HMCN1: variants seen among roughly 807,000 people sequenced by gnomAD.
The protein encoded by HMCN1 is hemicentin-1.
HMCN1 carries 321 observed loss-of-function variants against 625.9 expected under a neutral mutation model. That is an observed-to-expected ratio of 0.51 (90% CI 0.47 to 0.56). The LOEUF is 0.56. Among genes scored for constraint, HMCN1 ranks in the 20% least tolerant of loss-of-function variants. The probability of loss-of-function intolerance (pLI) is 0.00; values close to 1 mark genes in which losing one functional copy is unlikely to be tolerated. For synonymous variants in HMCN1, 2,425 were observed against 2,417.6 expected (o/e 1.00, Z -0.09); for missense variants, 6,588 against 6,887.3 (o/e 0.96, Z 1.54).
chr1:186,054,511 A>G (rs1375528378), intron 44 of HMCN1, among the ~76,000 whole-genome samples: 1 of 151,960 alleles, frequency 6.6e-6, no homozygotes, highest in African/African-American at 2.4e-5. Context: ...GACTGGCACT[A>G]GGACATTGGA....
intron 77 of HMCN1, among the ~76,000 whole-genome samples, chr1:186,118,184 C>T (rs1472190031): frequency 6.6e-6 from 1 of 151,794 alleles, no homozygotes; most frequent in Non-Finnish European, 1.5e-5. Flanking sequence ...AAAAAAATCA[C>T]CTAAAGTATA....
chr1:186,152,697 C>G (rs1049171218), intron 95 of HMCN1, 53 bp from the exon 96 acceptor site: 4 of 1,610,576 alleles, frequency 2.5e-6, no homozygotes, highest in Non-Finnish European at 2.5e-6. Context: ...CTGCTCTGTG[C>G]TTACAGAAAC....
chr1:185,909,138 G>A (rs1237703508), intron 4 of HMCN1, among the ~76,000 whole-genome samples, 199 bp from the exon 5 acceptor site: 1 of 152,004 alleles, frequency 6.6e-6, no homozygotes, highest in African/African-American at 2.4e-5. Context: ...ATTTGAACAT[G>A]GGTTAAACCA....
intron 4 of HMCN1, among the ~76,000 whole-genome samples, chr1:185,901,116 T>C (rs866806113): frequency 6.6e-6 from 1 of 151,884 alleles, no homozygotes; most frequent in Non-Finnish European, 1.5e-5. Context: ...CTAAACCCAA[T>C]AGGCACATGA....
chr1:185,977,047 C>T (rs929839767), intron 15 of HMCN1, among the ~76,000 whole-genome samples: 3 of 152,048 alleles, frequency 2.0e-5, no homozygotes, highest in Admixed American at 6.6e-5. Flanking sequence ...TGATGTATTT[C>T]TATGTCTTCC....
chr1:185,989,410 C>G, intron 20 of HMCN1, 78 bp from the exon 21 acceptor site: 1 of 1,527,746 alleles, frequency 6.5e-7, no homozygotes, highest in East Asian at 2.3e-5. Context: ...TATTCCTCTT[C>G]CAGACATTGT....
intron 14 of HMCN1, among the ~76,000 whole-genome samples, chr1:185,968,894 A>G (rs1168593338): frequency 6.6e-6 from 1 of 152,204 alleles, no homozygotes; most frequent in Non-Finnish European, 1.5e-5. Flanking sequence ...GAAATCAAGA[A>G]AGGAGAATCT....
At chr1:186,117,392 T>C (rs779860646) in intron 76 of HMCN1, 67 bp from the exon 77 acceptor site, 29 of 1,547,882 alleles carry the variant, frequency 1.9e-5, no homozygotes, top group Non-Finnish European at 2.6e-5. Context: ...GTATGATAAG[T>C]CTTTGGAAAT....
intron 68 of HMCN1, among the ~76,000 whole-genome samples, chr1:186,101,973 G>A (rs1660404248): frequency 2.0e-5 from 3 of 152,232 alleles, no homozygotes; most frequent in South Asian, 4.1e-4. Context: ...AACCGTGATG[G>A]TACTTGGGCA....
intron 25 of HMCN1, among the ~76,000 whole-genome samples, chr1:185,998,395 C>G (rs1271882736): frequency 6.6e-6 from 1 of 152,116 alleles, no homozygotes; most frequent in Non-Finnish European, 1.5e-5. Flanking sequence ...GCCATGATTA[C>G]TTTATTTTCT....
At chr1:185,946,742 T>C (rs1277983930) in intron 11 of HMCN1, among the ~76,000 whole-genome samples, 1 of 152,198 alleles carries the variant, frequency 6.6e-6, no homozygotes, top group Non-Finnish European at 1.5e-5. Flanking sequence ...CACGACTTTT[T>C]TGTTAAGGAA....
intron 97 of HMCN1, among the ~76,000 whole-genome samples, chr1:186,158,972 T>G (rs1310937089): frequency 2.6e-5 from 4 of 152,162 alleles, no homozygotes; most frequent in Admixed American, 1.3e-4. Context: ...GTGAAGAAAG[T>G]CATTGGTAGC....
At chr1:185,746,334 C>T (rs1053751220) in intron 1 of HMCN1, among the ~76,000 whole-genome samples, 3 of 152,158 alleles carry the variant, frequency 2.0e-5, no homozygotes, top group African/African-American at 7.2e-5. Context: ...AGGGCCTACT[C>T]CTAGGGCTGC....
At chr1:185,993,077 TA>T in intron 22 of HMCN1, 104 bp from the exon 23 acceptor site, 2 of 1,173,306 alleles carry the variant, frequency 1.7e-6, no homozygotes, top group South Asian at 2.5e-5. Context: ...GAAAATGGTT[TA>T]AAAAACTACT....
chr1:185,972,834 A>G (rs981493274), intron 15 of HMCN1, among the ~76,000 whole-genome samples: 1 of 152,110 alleles, frequency 6.6e-6, no homozygotes, highest in Non-Finnish European at 1.5e-5. Flanking sequence ...ACCAGTACAT[A>G]TATTCTTTGA....
intron 1 of HMCN1, among the ~76,000 whole-genome samples, chr1:185,764,962 A>C (rs908599809): frequency 2.0e-5 from 3 of 152,096 alleles, no homozygotes; most frequent in African/African-American, 7.2e-5. Flanking sequence ...GAGCATCCCT[A>C]TGCAGCCTTA....
rs201167469 is a variant in HMCN1, at chr1:185,872,464, TTGTC to T, written c.621+6605_621+6608del. ...TTAATTTATTGCTTAAAAATTATCT[TTGTC>T]TGTAGGCTTCTGAGCATTGAACAAT... On this transcript the variant is annotated intron_variant, in intron 4 of 106. Transcript: ENST00000271588. Among the ~76,000 whole-genome samples, 1,405 of 152,276 alleles carry T rather than the reference TTGTC, an allele frequency of 9.2e-3. 25 individuals are homozygous for T. Among genetic ancestry groups the T allele is most frequent in the African/African-American group, 0.032 (1,347 of 41,542 alleles).
At chr1:185,972,388 C>A (rs1650893830) in intron 15 of HMCN1, among the ~76,000 whole-genome samples, 1 of 152,174 alleles carries the variant, frequency 6.6e-6, no homozygotes, top group Admixed American at 6.6e-5. Flanking sequence ...TTCACACTAT[C>A]TGTGTTGGGG....
chr1:186,011,004 A>G (rs1653964754), intron 30 of HMCN1, among the ~76,000 whole-genome samples: 1 of 150,946 alleles, frequency 6.6e-6, no homozygotes. Context: ...TCTATCATCA[A>G]AATCAATTGC....
Sources: allele counts gnomAD v4.1 joint callset (sites outside exome capture counted in the v4.1 genomes callset), GRCh38; gene constraint gnomAD v4.1.1; transcripts MANE v1.5; gene names NCBI Gene and HGNC (gene_info 2026-07-23, HGNC 2026-07-21).